GLIS1: variants seen among roughly 807,000 people sequenced by gnomAD.
GLIS1 encodes the protein GLIS family zinc finger 1.
Under a neutral mutation model 63.8 loss-of-function variants are expected in GLIS1, and 24 were observed. The observed-to-expected ratio is 0.38, with a 90% confidence interval of 0.27 to 0.53. GLIS1 has a LOEUF of 0.53. Ranked by LOEUF, GLIS1 falls within the 20% of genes least tolerant of loss-of-function variation. GLIS1 has a pLI of 0.85. For missense variants in GLIS1, 1,036 were observed against 1,074.1 expected, an observed-to-expected ratio of 0.96 and a Z score of 0.50; for synonymous variants, 450 against 482.5, an observed-to-expected ratio of 0.93 and a Z score of 0.88.
intron 4 of GLIS1, among the ~76,000 whole-genome samples, chr1:53,583,245 G>A (rs970916867): frequency 6.6e-6 from 1 of 152,182 alleles, no homozygotes; most frequent in Non-Finnish European, 1.5e-5. Flanking sequence ...CCACCGCCCT[G>A]TGCCTTCCCT....
At chr1:53,701,342 G>C (rs922940317) in intron 2 of GLIS1, among the ~76,000 whole-genome samples, 3 of 152,114 alleles carry the variant, frequency 2.0e-5, no homozygotes, top group Non-Finnish European at 4.4e-5. Flanking sequence ...ATCTCATTGT[G>C]GGTTAGGCAG....
chr1:53,726,143 G>A (rs1646803192), intron 2 of GLIS1, among the ~76,000 whole-genome samples: 1 of 152,166 alleles, frequency 6.6e-6, no homozygotes, highest in Non-Finnish European at 1.5e-5. Context: ...GTTAATTCTG[G>A]CTGGAGGAGG....
chr1:53,586,123 A>G (rs149557098), intron 4 of GLIS1, among the ~76,000 whole-genome samples: 11 of 152,330 alleles, frequency 7.2e-5, no homozygotes, highest in East Asian at 1.9e-4. Flanking sequence ...GCAAGGCCAG[A>G]GAACTGGAAG....
intron 2 of GLIS1, among the ~76,000 whole-genome samples, chr1:53,721,114 T>C (rs1280387454): frequency 2.0e-5 from 3 of 151,586 alleles, no homozygotes; most frequent in Non-Finnish European, 4.4e-5. Context: ...AAATTTTTTA[T>C]AAAATAAATA....
intron 8 of GLIS1, among the ~76,000 whole-genome samples, chr1:53,513,877 G>C (rs936934304): frequency 6.6e-6 from 1 of 152,250 alleles, no homozygotes; most frequent in African/African-American, 2.4e-5. Flanking sequence ...CTGTAGCCAG[G>C]AGGAGGAAGG....
At chr1:53,683,749 C>A (rs1485798702) in intron 2 of GLIS1, among the ~76,000 whole-genome samples, 1 of 152,072 alleles carries the variant, frequency 6.6e-6, no homozygotes, top group Non-Finnish European at 1.5e-5. Flanking sequence ...AATTGGGTAC[C>A]CTGGGGAGGT....
chr1:53,604,903 T>A (rs760492358), intron 2 of GLIS1, among the ~76,000 whole-genome samples: 15 of 98,500 alleles, frequency 1.5e-4, no homozygotes, highest in Non-Finnish European at 2.8e-4. Context: ...CATTAAAAAA[T>A]ATATATATAT....
rs371812199 is a variant in GLIS1, at chr1:53,553,087, CT to C, written c.1321-23136del. On this transcript the variant is annotated intron_variant, in intron 4 of 10. Coordinates refer to ENST00000628545, the MANE Select transcript of GLIS1 (RefSeq NM_001367484.1). ...CTTCCTTGCCTTTCTAAAGATACCC[CT>C]GTCCCACCTGGCTGGCTGAGAATGG... Among the ~76,000 whole-genome samples the C allele has an allele frequency of 4.7e-3, 722 of 152,338 alleles. 6 individuals carry two copies. The highest frequency in any genetic ancestry group is 0.017 in the African/African-American group (708 of 41,568).
intron 2 of GLIS1, among the ~76,000 whole-genome samples, chr1:53,610,139 G>A (rs1337149451): frequency 6.6e-6 from 1 of 151,934 alleles, no homozygotes; most frequent in African/African-American, 2.4e-5. Context: ...ACATTCTTTG[G>A]GTTACTGTTT....
At chr1:53,680,521 A>C (rs543419385) in intron 2 of GLIS1, among the ~76,000 whole-genome samples, 77 of 152,322 alleles carry the variant, frequency 5.1e-4, no homozygotes, top group Admixed American at 9.1e-4. Flanking sequence ...AAAGATGAAT[A>C]ATAAAGCCCC....
intron 2 of GLIS1, among the ~76,000 whole-genome samples, chr1:53,677,775 C>T (rs1164647309): frequency 6.6e-6 from 1 of 152,198 alleles, no homozygotes; most frequent in Non-Finnish European, 1.5e-5. Context: ...CCCTGCTTCT[C>T]TGTCATCACC....
At position 53,708,706 on chromosome 1, in the gene GLIS1, A is replaced by AG. The variant is rs1482635675; in HGVS notation, c.259+29099dup. The stretch of plus-strand genomic sequence containing the variant: ...CCAGCTTACTTCCAGGCCCATCCCC[A>AG]GGCTGACCTCTGGCTTCTCCTCCCC... On this transcript the variant is annotated intron_variant, in intron 2 of 10. Transcript: ENST00000628545. Among the ~76,000 whole-genome samples, 86 of 152,120 alleles carry AG rather than the reference A, an allele frequency of 5.7e-4. 2 individuals are homozygous for AG. Among genetic ancestry groups the AG allele is most frequent in the Non-Finnish European group, 1.0e-4 (7 of 68,000 alleles).
rs118003632 is a variant in GLIS1 at position 53,717,861 on chromosome 1, G to A, written c.259+19945C>T. Among the ~76,000 whole-genome samples, 173 of 152,156 alleles carry A rather than the reference G, an allele frequency of 1.1e-3. 4 individuals carry two copies. The East Asian group carries it at 0.032, about 28-fold the overall frequency. ...TAGAAGAGTGCCTAACTCACAGCAG[G>A]TGCTCAACAAAAATGTAAGTTAAAA... is the stretch of plus-strand genomic sequence containing the variant. On this transcript the variant is annotated intron_variant, in intron 2 of 10. Transcript: ENST00000628545.
chr1:53,602,290 T>G (rs1447119974), intron 2 of GLIS1, among the ~76,000 whole-genome samples: 2 of 152,188 alleles, frequency 1.3e-5, no homozygotes, highest in Admixed American at 1.3e-4. Context: ...TGGCCGTCTT[T>G]GCCTTTTCCA....
intron 2 of GLIS1, among the ~76,000 whole-genome samples, chr1:53,660,936 G>C (rs771174631): frequency 2.0e-5 from 3 of 152,188 alleles, no homozygotes; most frequent in South Asian, 2.1e-4. Flanking sequence ...TTCACCACAG[G>C]GGGAGGTGGC....
At chr1:53,663,646 T>C (rs1037937513) in intron 2 of GLIS1, among the ~76,000 whole-genome samples, 11 of 152,158 alleles carry the variant, frequency 7.2e-5, no homozygotes, top group African/African-American at 2.7e-4. Flanking sequence ...CATCCCTTTC[T>C]GGAAGGGTGG....
intron 2 of GLIS1, among the ~76,000 whole-genome samples, chr1:53,633,799 C>T (rs1645695522): frequency 6.6e-6 from 1 of 152,040 alleles, no homozygotes; most frequent in Admixed American, 6.5e-5. Flanking sequence ...TCAAAAATGT[C>T]TCGGCGTGGG....
At chr1:53,729,292 G>C (rs971728428) in intron 2 of GLIS1, among the ~76,000 whole-genome samples, 3 of 152,150 alleles carry the variant, frequency 2.0e-5, no homozygotes, top group Non-Finnish European at 2.9e-5. Flanking sequence ...GAAATCATCC[G>C]TTTGAAGGCC....
chr1:53,527,358 C>A (rs1475266407), intron 5 of GLIS1, among the ~76,000 whole-genome samples: 2 of 152,328 alleles, frequency 1.3e-5, no homozygotes, highest in East Asian at 1.9e-4. Flanking sequence ...TGGGACACGG[C>A]AGGATGTGGT....
Sources: allele counts gnomAD v4.1 joint callset (sites outside exome capture counted in the v4.1 genomes callset), GRCh38; gene constraint gnomAD v4.1.1; transcripts MANE v1.5; gene names NCBI Gene and HGNC (gene_info 2026-07-23, HGNC 2026-07-21).